The following DGKB variants were observed in gnomAD, a reference collection of about 807,000 sequenced individuals.
The protein encoded by DGKB is diacylglycerol kinase beta.
In DGKB, 67 loss-of-function variants were observed where a neutral mutation model predicts 114.3. That is an observed-to-expected ratio of 0.59 (90% CI 0.48 to 0.72). The LOEUF is 0.72. DGKB is among the 30% of genes least tolerant of loss of function. The pLI, the probability that DGKB is intolerant of heterozygous loss-of-function variation, is 0.00. For missense variants in DGKB, 907 were observed against 975.2 expected, an observed-to-expected ratio of 0.93 and a Z score of 0.93; for synonymous variants, 398 against 323.1, an observed-to-expected ratio of 1.23 and a Z score of -2.49.
At chr7:14,796,680 T>C (rs568047996) in intron 2 of DGKB, among the ~76,000 whole-genome samples, 1 of 126,308 alleles carries the variant, frequency 7.9e-6, no homozygotes, top group Admixed American at 7.9e-5. Context: ...GTAAACTTTC[T>C]AGAAAGTAAA....
intron 23 of DGKB, among the ~76,000 whole-genome samples, chr7:14,281,949 G>T (rs1283035871): frequency 7.4e-6 from 1 of 134,572 alleles, no homozygotes; most frequent in East Asian, 2.3e-4. Flanking sequence ...ACAATTAAAA[G>T]AACTAGAAAA....
At chr7:14,806,417 T>G (rs1842801233) in intron 2 of DGKB, among the ~76,000 whole-genome samples, 1 of 152,092 alleles carries the variant, frequency 6.6e-6, no homozygotes, top group Admixed American at 6.6e-5. Context: ...TTAGTTAAGC[T>G]CATAACATTT....
intron 21 of DGKB, among the ~76,000 whole-genome samples, chr7:14,408,028 T>C (rs1406480362): frequency 1.3e-5 from 2 of 152,130 alleles, no homozygotes; most frequent in East Asian, 3.9e-4. Flanking sequence ...GGGGGCATAC[T>C]GATAATTACT....
intron 23 of DGKB, among the ~76,000 whole-genome samples, chr7:14,182,013 G>A (rs1782698185): frequency 2.0e-5 from 3 of 152,230 alleles, no homozygotes; most frequent in Admixed American, 2.0e-4. Context: ...TAGGAAAAAT[G>A]CAACTTTATT....
At chr7:14,388,985 A>G (rs1820879528) in intron 21 of DGKB, among the ~76,000 whole-genome samples, 1 of 152,224 alleles carries the variant, frequency 6.6e-6, no homozygotes, top group South Asian at 2.1e-4. Flanking sequence ...ATCATTTAAA[A>G]CAGTCACTGC....
intron 2 of DGKB, among the ~76,000 whole-genome samples, chr7:14,819,789 A>G (rs1279175587): frequency 6.6e-6 from 1 of 152,164 alleles, no homozygotes; most frequent in Non-Finnish European, 1.5e-5. Flanking sequence ...CTTAATATCT[A>G]TACCATATAT....
chr7:14,292,477 G>T (rs1801915842), intron 23 of DGKB, among the ~76,000 whole-genome samples: 1 of 152,066 alleles, frequency 6.6e-6, no homozygotes, highest in Admixed American at 6.6e-5. Context: ...TTCAAACCTG[G>T]TTATTTGTTT....
chr7:14,918,886 AC>A (rs1221018747), intron 1 of DGKB, among the ~76,000 whole-genome samples: 1 of 150,796 alleles, frequency 6.6e-6, no homozygotes, highest in Non-Finnish European at 1.5e-5. Flanking sequence ...ACACGGTGAA[AC>A]CCCGCCTCTA....
At chr7:14,294,324 T>G (rs1250131154) in intron 23 of DGKB, among the ~76,000 whole-genome samples, 1 of 152,200 alleles carries the variant, frequency 6.6e-6, no homozygotes, top group Non-Finnish European at 1.5e-5. Flanking sequence ...TCATAGATTC[T>G]GAAGATTAGG....
At chr7:14,672,825 T>C (rs1819193845) in intron 13 of DGKB, 104 bp downstream of exon 13, 1 of 622,654 alleles carries the variant, frequency 1.6e-6, no homozygotes, top group Non-Finnish European at 2.8e-6. Flanking sequence ...TATATACTTC[T>C]ACCTTGATTG....
At chr7:14,566,069 A>G (rs947939756) in intron 20 of DGKB, among the ~76,000 whole-genome samples, 1 of 152,098 alleles carries the variant, frequency 6.6e-6, no homozygotes, top group Non-Finnish European at 1.5e-5. Flanking sequence ...ACTTTCCATT[A>G]TACTTATATA....
intron 19 of DGKB, among the ~76,000 whole-genome samples, chr7:14,578,774 A>T (rs1352603324): frequency 6.6e-6 from 1 of 152,158 alleles, no homozygotes; most frequent in African/African-American, 2.4e-5. Context: ...CCCCAAATTA[A>T]TCTGTTTTTG....
intron 2 of DGKB, among the ~76,000 whole-genome samples, chr7:14,767,189 G>C (rs1836586234): frequency 6.6e-6 from 1 of 151,400 alleles, no homozygotes; most frequent in Non-Finnish European, 1.5e-5. Context: ...ATTCAGTCGA[G>C]AGAGAAAAAA....
chr7:14,572,275 C>T (rs867999902), intron 20 of DGKB, among the ~76,000 whole-genome samples: 1 of 143,660 alleles, frequency 7.0e-6, no homozygotes, highest in African/African-American at 2.5e-5. Flanking sequence ...AACCCCGTAT[C>T]TACTAAAAAT....
chr7:14,913,156 A>G (rs1206983091), intron 1 of DGKB, among the ~76,000 whole-genome samples: 1 of 151,952 alleles, frequency 6.6e-6, no homozygotes, highest in Non-Finnish European at 1.5e-5. Context: ...GTCAGTACTC[A>G]AGATGTCTTC....
At chr7:14,662,551 T>C (rs7807865) in intron 13 of DGKB, among the ~76,000 whole-genome samples, 2 of 151,800 alleles carry the variant, frequency 1.3e-5, no homozygotes, top group East Asian at 3.9e-4. Flanking sequence ...ATGTTACTTA[T>C]AATAACAAAA....
At chr7:14,918,776 T>C (rs558159037) in intron 1 of DGKB, among the ~76,000 whole-genome samples, 34 of 152,054 alleles carry the variant, frequency 2.2e-4, no homozygotes, top group African/African-American at 7.2e-4. Flanking sequence ...TTCTTAAGTT[T>C]ATATGGGGCT....
At chr7:14,951,270 T>C (rs1024835744) in intron 1 of DGKB, among the ~76,000 whole-genome samples, 32 of 152,124 alleles carry the variant, frequency 2.1e-4, no homozygotes, top group African/African-American at 7.2e-4. Flanking sequence ...TTGTTCATAA[T>C]TGCCAAAACT....
intron 9 of DGKB, 151 bp downstream of exon 9, chr7:14,693,924 C>T (rs1823356022): frequency 9.1e-6 from 7 of 768,648 alleles, no homozygotes; most frequent in Non-Finnish European, 1.4e-5. Flanking sequence ...GAGTTACTGT[C>T]AAATTGCACC....
Sources: allele counts gnomAD v4.1 joint callset (sites outside exome capture counted in the v4.1 genomes callset), GRCh38; gene constraint gnomAD v4.1.1; transcripts MANE v1.5; gene names NCBI Gene and HGNC (gene_info 2026-07-23, HGNC 2026-07-21).